The following RNF17 variants were observed in gnomAD, a reference collection of about 807,000 sequenced individuals.
RNF17 encodes spermatogenesis associated 23.
In RNF17, 31 loss-of-function variants were observed where a neutral mutation model predicts 200.5. The ratio of observed to expected loss-of-function variants is 0.15; its 90% CI spans 0.12 to 0.21. The LOEUF (loss-of-function observed/expected upper bound fraction) is 0.21, where lower values mean the gene tolerates loss of function less well. RNF17 is among the 10% of genes least tolerant of loss of function. RNF17 has a pLI of 1.00. For missense variants in RNF17, 1,628 were observed against 1,905.1 expected, an observed-to-expected ratio of 0.85 and a Z score of 2.71; for synonymous variants, 606 against 637.8, an observed-to-expected ratio of 0.95 and a Z score of 0.75.
chr13:24,885,964 G>A, the RNF17 span: 1 of 439,732 alleles, frequency 2.3e-6, no homozygotes, highest in Non-Finnish European at 4.2e-6. Context: ...AAGGTGTAAG[G>A]TGCAGATAAA....
chr13:24,802,081 G>A (rs888889459), intron 13 of RNF17, among the ~76,000 whole-genome samples: 1 of 152,032 alleles, frequency 6.6e-6, no homozygotes, highest in Admixed American at 6.6e-5. Context: ...CTGCCTCCCG[G>A]GTTCAAGCAG....
Position 24,835,236 on chromosome 13 carries a change from C to T in RNF17, c.2482+3258C>T, listed in dbSNP as rs548609222. On this transcript the variant is annotated intron_variant, in intron 18 of 35. Transcript: ENST00000255324. ...GCCCCCACCTGATGGTCCTTCCCTA[C>T]CCCCCCTGGTAGCTGAAGAGAAAGG... 2.0e-5 allele frequency among the ~76,000 whole-genome samples: 3 copies of T among 151,708 alleles called. No homozygotes were observed. The South Asian group carries it at 6.2e-4, about 32-fold the overall frequency.
intron 15 of RNF17, among the ~76,000 whole-genome samples, chr13:24,806,837 C>G (rs1182272838): frequency 7.1e-6 from 1 of 140,876 alleles, no homozygotes. Flanking sequence ...TGTGATGTTC[C>G]CCTTCCTGTG....
chr13:24,884,288 T>TTA (rs985762945), downstream of RNF17: 2 of 1,613,914 alleles, frequency 1.2e-6, no homozygotes, highest in African/African-American at 2.7e-5. Context: ...CCAGAGATGG[T>TTA]TAAACTATGG....
intron 9 of RNF17, among the ~76,000 whole-genome samples, chr13:24,790,124 AT>A: frequency 6.6e-6 from 1 of 152,302 alleles, no homozygotes; most frequent in Non-Finnish European, 1.5e-5. Context: ...TGTATGCAGA[AT>A]TTACTTGAGG....
intron 18 of RNF17, among the ~76,000 whole-genome samples, chr13:24,832,341 C>T (rs1889506393): frequency 6.6e-6 from 1 of 151,666 alleles, no homozygotes; most frequent in Non-Finnish European, 1.5e-5. Flanking sequence ...TGGTAAACAG[C>T]TTTTCCTTGC....
At chr13:24,821,388 G>C (rs1208434917) in intron 15 of RNF17, among the ~76,000 whole-genome samples, 1 of 152,118 alleles carries the variant, frequency 6.6e-6, no homozygotes, top group Non-Finnish European at 1.5e-5. Flanking sequence ...TGGATTTGTA[G>C]GTTCATGTCT....
At chr13:24,825,020 G>A (rs2137960071) in intron 15 of RNF17, among the ~76,000 whole-genome samples, 1 of 152,202 alleles carries the variant, frequency 6.6e-6, no homozygotes, top group South Asian at 2.1e-4. Flanking sequence ...TTACTCTATG[G>A]AAGAATAAGC....
At chr13:24,880,268 T>C (rs1448604595), downstream of RNF17, among the ~76,000 whole-genome samples, 1 of 152,112 alleles carries the variant, frequency 6.6e-6, no homozygotes, top group Non-Finnish European at 1.5e-5. Flanking sequence ...AAACGCCCCT[T>C]ATAAAACCAT....
intron 31 of RNF17, among the ~76,000 whole-genome samples, chr13:24,869,195 T>C (rs1348951316): frequency 6.6e-6 from 1 of 152,172 alleles, no homozygotes; most frequent in Non-Finnish European, 1.5e-5. Flanking sequence ...ATTGATTGAA[T>C]GTGTGAATAA....
intron 5 of RNF17, among the ~76,000 whole-genome samples, chr13:24,780,501 C>T (rs1285054581): frequency 6.6e-6 from 1 of 152,148 alleles, no homozygotes; most frequent in Non-Finnish European, 1.5e-5. Context: ...CCTCAGTATT[C>T]ATGTCCTTCT....
upstream of RNF17, chr13:24,764,147 G>A (rs918004020): frequency 4.0e-6 from 6 of 1,510,022 alleles, no homozygotes; most frequent in African/African-American, 4.1e-5. Flanking sequence ...ATTGGTCGCT[G>A]CCGCGAGGGC....
At chr13:24,825,509 C>G in intron 15 of RNF17, 110 bp from the exon 16 acceptor site, 1 of 739,478 alleles carries the variant, frequency 1.4e-6, no homozygotes, top group Non-Finnish European at 2.2e-6. Flanking sequence ...GATTTACATT[C>G]AATTCAAGTT....
chr13:24,752,894 G>A, the RNF17 span, among the ~76,000 whole-genome samples: 3 of 152,306 alleles, frequency 2.0e-5, no homozygotes, highest in Non-Finnish European at 4.4e-5. Flanking sequence ...CTTCGGCGTG[G>A]CCTGCGTGGC....
chr13:24,752,653 G>T, the RNF17 span, among the ~76,000 whole-genome samples: 2 of 152,328 alleles, frequency 1.3e-5, no homozygotes, highest in Middle Eastern at 3.4e-3. Flanking sequence ...GCCCGCCGAG[G>T]CTGCGGCTGC....
chr13:24,835,460 C>T (rs1321078813), intron 18 of RNF17, among the ~76,000 whole-genome samples: 3 of 152,272 alleles, frequency 2.0e-5, no homozygotes, highest in African/African-American at 4.8e-5. Flanking sequence ...CACTGCTATC[C>T]ACTGCTGAGA....
intron 6 of RNF17, 95 bp downstream of exon 6, chr13:24,782,039 T>C: frequency 2.5e-6 from 2 of 813,712 alleles, no homozygotes; most frequent in South Asian, 3.1e-5. Context: ...TGGGTAACTT[T>C]TAAACAAGTT....
intron 15 of RNF17, among the ~76,000 whole-genome samples, chr13:24,813,991 T>G (rs1255454346): frequency 6.6e-5 from 10 of 152,086 alleles, no homozygotes; most frequent in African/African-American, 2.2e-4. Context: ...CCACAAAACT[T>G]AACTACTAAT....
chr13:24,824,648 A>G (rs577845377), intron 15 of RNF17, among the ~76,000 whole-genome samples: 81 of 152,330 alleles, frequency 5.3e-4, no homozygotes, highest in African/African-American at 1.7e-3. Flanking sequence ...AAAGAATGCA[A>G]TCATTCCACA....
Sources: gnomAD v4.1 joint callset for allele counts (sites outside exome capture counted in the v4.1 genomes callset) on GRCh38, gnomAD v4.1.1 for gene constraint, MANE v1.5 for transcripts, NCBI Gene and HGNC (gene_info 2026-07-23, HGNC 2026-07-21) for gene names.